Variants in TTPAL observed in about 807,000 individuals in gnomAD.
TTPAL encodes alpha tocopherol transfer protein like.
Under a neutral mutation model 28.7 loss-of-function variants are expected in TTPAL, and 21 were observed. That is an observed-to-expected ratio of 0.73 (90% confidence interval 0.52 to 1.06). The LOEUF (loss-of-function observed/expected upper bound fraction) is 1.06, where lower values mean the gene tolerates loss of function less well. Ranked by LOEUF, TTPAL falls within the 50% of genes least tolerant of loss-of-function variation. The probability of loss-of-function intolerance (pLI) is 0.00; values close to 1 mark genes in which losing one functional copy is unlikely to be tolerated. For missense variants in TTPAL, 345 were observed against 425.5 expected (o/e 0.81, Z 1.67); for synonymous variants, 169 against 171.9 (o/e 0.98, Z 0.13).
intron 1 of TTPAL, among the ~76,000 whole-genome samples, chr20:44,476,332 C>T (rs759116850): frequency 6.6e-5 from 10 of 152,222 alleles, no homozygotes; most frequent in Non-Finnish European, 1.2e-4. Flanking sequence ...CGCCTGTCAG[C>T]TCATTCACCA....
chr20:44,479,914 C>A, intron 1 of TTPAL, 71 bp from the exon 2 acceptor site: 1 of 1,291,512 alleles, frequency 7.7e-7, no homozygotes, highest in Non-Finnish European at 1.1e-6. Flanking sequence ...TGTTCCTGTC[C>A]CCTACACTGT....
At chr20:44,477,961 A>G (rs918083036) in intron 1 of TTPAL, among the ~76,000 whole-genome samples, 2 of 152,196 alleles carry the variant, frequency 1.3e-5, no homozygotes, top group Non-Finnish European at 2.9e-5. Flanking sequence ...AGCCCAAGAA[A>G]AAATTTAAAA....
At position 44,480,601 on chromosome 20, in the gene TTPAL, T is replaced by G. The variant is rs144379464; in HGVS notation, c.445+157T>G. On this transcript the variant is annotated intron_variant, in intron 2 of 4. Transcript: ENST00000262605. This position sits in a 1 kb window ranked among gnomAD's most constrained non-coding sequence, Gnocchi z 4.1. ...ATAACACAAACCTACTCAAACCAAC[T>G]TCAGAAAAAAGGGAGGATTTAGTCG... is the stretch of plus-strand genomic sequence containing the variant. Among the ~76,000 whole-genome samples, 1 of 151,932 alleles carries G rather than the reference T, an allele frequency of 6.6e-6. No individual in the cohort carries two copies. The highest frequency in any genetic ancestry group is 1.5e-5 in the Non-Finnish European group (1 of 67,984).
At chr20:44,477,643 C>CTATCTATT (rs766042825) in intron 1 of TTPAL, among the ~76,000 whole-genome samples, 21 of 149,866 alleles carry the variant, frequency 1.4e-4, no homozygotes, top group African/African-American at 2.0e-4. Flanking sequence ...ATCTATCTAT[C>CTATCTATT]TATTTATTTA....
In TTPAL at chr20:44,492,215, A is replaced by C. The variant is rs1470666299; in HGVS notation, c.*2674A>C. Reference sequence around the variant, plus strand: ...CAGGATGTTTGTGTCAGGCTGTCTCAGCAGGGTGGGGAATGACCAGCCAGG... The same window carrying C: ...CAGGATGTTTGTGTCAGGCTGTCTCCGCAGGGTGGGGAATGACCAGCCAGG... On this transcript the variant is annotated 3_prime_UTR_variant, in exon 5 of 5. Coordinates refer to ENST00000262605, the MANE Select transcript of TTPAL (RefSeq NM_001039199.3). 1.3e-5 allele frequency: 2 copies of C among 152,380 alleles called. No homozygotes were observed. The highest frequency in any genetic ancestry group is 2.9e-5 in the Non-Finnish European group (2 of 68,064). The allele number at this position is 152,380 out of a possible 1,614,324, so 9.4% of individuals were successfully genotyped here.
rs1261842080 is a variant in TTPAL at position 44,490,871 on chromosome 20, T to C, written c.*1330T>C. ...GGTGTGCGGATCACAAGGTCAGGAG[T>C]TCGAGACCCGCCTGGCCAAGATGGT... On this transcript the variant is annotated 3_prime_UTR_variant, in exon 5 of 5. Coordinates refer to ENST00000262605, the MANE Select transcript of TTPAL (RefSeq NM_001039199.3). 1 of 151,514 alleles carries C rather than the reference T, an allele frequency of 6.6e-6. No individual in the cohort carries two copies. Among genetic ancestry groups the C allele is most frequent in the Non-Finnish European group, 1.5e-5 (1 of 67,880 alleles). The allele number at this position is 151,514 out of a possible 1,614,324, so 9.4% of individuals were successfully genotyped here.
intron 4 of TTPAL, among the ~76,000 whole-genome samples, chr20:44,487,341 C>T (rs192588731): frequency 2.0e-5 from 3 of 151,906 alleles, no homozygotes; most frequent in Admixed American, 6.6e-5. Context: ...ACTCAGGAGG[C>T]TGAGGTGGGA....
At chr20:44,486,009 G>A (rs2064148446) in intron 3 of TTPAL, 1 of 152,134 alleles carries the variant, frequency 6.6e-6, no homozygotes, top group South Asian at 2.1e-4. Context: ...GGAAGGTCTG[G>A]TATTTGCCAG....
chr20:44,479,393 TGA>T (rs1217858615), intron 1 of TTPAL, among the ~76,000 whole-genome samples: 7 of 146,274 alleles, frequency 4.8e-5, no homozygotes, highest in Non-Finnish European at 1.0e-4. Flanking sequence ...AATCTGAATC[TGA>T]GTTGTTTTTT....
At position 44,484,542 on chromosome 20, in the gene TTPAL, A is replaced by AT. The variant is rs746988056; in HGVS notation, c.639+13dup. ...TTGGCATCCTCCAGGTAAGACCCGT[A>AT]TGTGTCCTGCCTGTTTCGTGGTGGC... On this transcript the variant is annotated intron_variant, in intron 3 of 4. Coordinates refer to ENST00000262605, the MANE Select transcript of TTPAL (RefSeq NM_001039199.3). 6.5e-6 allele frequency: 10 copies of AT among 1,543,060 alleles called. No individual in the cohort carries two copies. The South Asian group carries it at 1.2e-4, about 18-fold the overall frequency.
intron 4 of TTPAL, among the ~76,000 whole-genome samples, chr20:44,487,047 G>A (rs1018514980): frequency 1.3e-5 from 2 of 151,988 alleles, no homozygotes; most frequent in Non-Finnish European, 2.9e-5. Context: ...TTGGGAGGCC[G>A]AGGTGGATGG....
At chr20:44,484,586 C>G in intron 3 of TTPAL, 56 bp downstream of exon 3, 1 of 1,387,290 alleles carries the variant, frequency 7.2e-7, no homozygotes, top group Non-Finnish European at 9.9e-7. Flanking sequence ...TCCCCAGGGC[C>G]TGTCCATTTA....
At chr20:44,479,584 T>C (rs1337689236) in intron 1 of TTPAL, among the ~76,000 whole-genome samples, 3 of 152,010 alleles carry the variant, frequency 2.0e-5, no homozygotes, top group Non-Finnish European at 4.4e-5. Context: ...TTAGTAGAGA[T>C]GGGGTTTCAC....
At position 44,480,225 on chromosome 20, in the gene TTPAL, C is replaced by T. The variant is rs181809797; in HGVS notation, c.226C>T (p.Leu76Phe). 1.9e-6 allele frequency: 3 copies of T among 1,614,170 alleles called. No homozygotes were observed. The East Asian group carries it at 6.7e-5, about 36-fold the overall frequency. The stretch of plus-strand genomic sequence containing the variant: ...GGAGTACCCCAACCTGAGCACATCC[C>T]TCGACGATGCCTTCCTGCTGCGCTT... ...RKEYPNLSTS[L>F]DDAFLLRFLR... The change falls in exon 2 of 5, where the codon CTC (leucine) becomes TTC (phenylalanine). Residue 76 changes from leucine (L) to phenylalanine (F), a missense_variant. Physicochemically the swap from Leu to Phe is conservative, Grantham distance 22. Transcript: ENST00000262605. This position sits in a 1 kb window ranked among gnomAD's most constrained non-coding sequence, Gnocchi z 4.1.
At chr20:44,482,018 T>C (rs1379843512) in intron 2 of TTPAL, among the ~76,000 whole-genome samples, 1 of 152,210 alleles carries the variant, frequency 6.6e-6, no homozygotes, top group Non-Finnish European at 1.5e-5. Flanking sequence ...AGATGAATTT[T>C]TTCCCCATAT....
intron 4 of TTPAL, among the ~76,000 whole-genome samples, chr20:44,487,577 C>T (rs1017429396): frequency 3.9e-5 from 6 of 152,196 alleles, no homozygotes; most frequent in African/African-American, 1.4e-4. Flanking sequence ...TCAAGGTTTA[C>T]GAGCTATGTG....
Position 44,493,359 on chromosome 20 carries a change from T to C in TTPAL, c.*3818T>C, listed in dbSNP as rs73279664. 11,282 of 152,428 alleles carry C rather than the reference T, an allele frequency of 0.074. 450 individuals carry two copies. The highest frequency in any genetic ancestry group is 0.14 in the South Asian group (697 of 4,826). The allele number at this position is 152,428 out of a possible 1,614,324, so 9.4% of individuals were successfully genotyped here. A position where few individuals can be genotyped will look rare whatever the true frequency, so the allele number is the denominator to read the frequency against. On this transcript the variant is annotated 3_prime_UTR_variant, in exon 5 of 5. Transcript: ENST00000262605. ...AGACAATAAGAGGCTTTTCTCTGAA[T>C]TCCTTTATATTGAGCCTTTCAGAAT...
intron 2 of TTPAL, among the ~76,000 whole-genome samples, chr20:44,483,071 T>C (rs975120957): frequency 6.6e-6 from 1 of 152,318 alleles, no homozygotes; most frequent in Admixed American, 6.5e-5. Context: ...TTGGCCAGGC[T>C]GGTCTTGAAC....
Position 44,480,310 on chromosome 20 carries a change from G to T in TTPAL, c.311G>T (p.Ser104Ile). Residue 104 changes from serine (S) to isoleucine (I), a missense_variant, in exon 2 of 5, where the codon AGC becomes ATC. Physicochemically the swap from Ser to Ile is moderately radical, Grantham distance 142. Transcript: ENST00000262605. The surrounding 1 kb of genome is among the most constrained non-coding windows in gnomAD (Gnocchi z 4.1). ...RALQLLVNYH[S>I]CRRSWPEVFN... is the part of the protein sequence containing the mutation. Reference sequence around the variant, plus strand: ...CTGCAGCTCCTCGTCAACTACCACAGCTGTAGAAGAAGCTGGCCCGAAGTC... The same window carrying T: ...CTGCAGCTCCTCGTCAACTACCACATCTGTAGAAGAAGCTGGCCCGAAGTC... 2 of 1,614,162 alleles carry T rather than the reference G, an allele frequency of 1.2e-6. No individual in the cohort carries two copies. The highest frequency in any genetic ancestry group is 1.7e-6 in the Non-Finnish European group (2 of 1,180,042).
Sources: allele counts gnomAD v4.1 joint callset (sites outside exome capture counted in the v4.1 genomes callset), GRCh38; gene constraint gnomAD v4.1.1; non-coding constraint Gnocchi (gnomAD v3.1); transcripts MANE v1.5; gene names NCBI Gene and HGNC (gene_info 2026-07-23, HGNC 2026-07-21).